The following DNM2 variants were observed in gnomAD, a reference collection of about 807,000 sequenced individuals.
DNM2 encodes the protein dynamin-2.
DNM2 carries 15 observed loss-of-function variants against 99.0 expected under a neutral mutation model. The observed-to-expected ratio is 0.15, with a 90% CI of 0.10 to 0.23. DNM2 has a LOEUF of 0.23. Among genes scored for constraint, DNM2 ranks in the 10% least tolerant of loss-of-function variants. The probability of loss-of-function intolerance (pLI) is 1.00; values close to 1 mark genes in which losing one functional copy is unlikely to be tolerated. For synonymous variants in DNM2, 525 were observed against 481.2 expected, an observed-to-expected ratio of 1.09 and a Z score of -1.19; for missense variants, 742 against 1,189.4, an observed-to-expected ratio of 0.62 and a Z score of 5.53.
intron 17 of DNM2, chr19:10,824,723 G>C: frequency 2.6e-6 from 1 of 384,462 alleles, no homozygotes; most frequent in African/African-American, 2.1e-5. Flanking sequence ...AGGATCACTT[G>C]AGCTCTCCCT....
rs757366208 is a variant in DNM2, at chr19:10,825,153, G to A, written c.1990G>A (p.Val664Met). The A allele has an allele frequency of 1.4e-5, 22 of 1,614,088 alleles. No individual in the cohort carries two copies. Among genetic ancestry groups the A allele is most frequent in the East Asian group, 4.5e-5 (2 of 44,896 alleles). ...CATTCGCAACCTGGTGGACTCATAC[G>A]TGGCCATCATCAACAAGTCCATCCG... is the stretch of plus-strand genomic sequence containing the variant. ...ETIRNLVDSY[V>M]AIINKSIRDL... The change falls in exon 18 of 21, where the codon GTG (valine) becomes ATG (methionine). Residue 664 changes from valine to methionine, a missense_variant. Physicochemically the swap from Val to Met is conservative, Grantham distance 21. Coordinates refer to ENST00000389253, the MANE Select transcript of DNM2 (RefSeq NM_001005361.3).
intron 16 of DNM2, among the ~76,000 whole-genome samples, chr19:10,822,181 CTTTTT>C (rs1251860856): frequency 1.3e-5 from 2 of 150,540 alleles, no homozygotes; most frequent in African/African-American, 4.9e-5. Context: ...TTTTCTTTTT[CTTTTT>C]CTTTTTTTTT....
chr19:10,830,564 A>G lies in DNM2; in HGVS notation c.2543+186A>G. The G allele has an allele frequency of 1.4e-6, 1 of 737,632 alleles. No homozygotes were observed. Among genetic ancestry groups the G allele is most frequent in the Middle Eastern group, 3.9e-4 (1 of 2,538 alleles). 45.7% of individuals were successfully genotyped at this position (737,632 alleles called of 1,614,324 possible). On this transcript the variant is annotated intron_variant, in intron 20 of 20. Transcript: ENST00000389253. The surrounding 1 kb of genome is among the most constrained non-coding windows in gnomAD (Gnocchi z 4.8). The stretch of plus-strand genomic sequence containing the variant: ...CCAAGAGGCTTGTTCAGTGTCACAG[A>G]GTAGCGGAGCCCTGGTGACTCCGGG...
In DNM2 at chr19:10,798,506, G is replaced by A. The variant is rs2072021007; in HGVS notation, c.1356G>A (p.Leu452=). 1 of 1,614,158 alleles carries A rather than the reference G, an allele frequency of 6.2e-7. No homozygotes were observed. Among genetic ancestry groups the A allele is most frequent in the Admixed American group, 1.7e-5 (1 of 60,020 alleles). The part of the protein sequence containing the change: ...CAEKLSSYPR[L]REETERIVTT... ...CCCAGCTCAGTTCCTACCCCCGGTTGCGAGAGGAGACAGAGCGAATCGTCA... is the reference window on the plus strand; with the variant it reads ...CCCAGCTCAGTTCCTACCCCCGGTTACGAGAGGAGACAGAGCGAATCGTCA... Residue 452 remains leucine, a synonymous_variant, in exon 11 of 21, where the codon TTG becomes TTA. Transcript: ENST00000389253.
chr19:10,718,094 CG>C lies in DNM2; in HGVS notation c.-147del. The C allele has an allele frequency of 1.1e-6, 1 of 939,608 alleles. No individual in the cohort carries two copies. The highest frequency in any genetic ancestry group is 1.4e-6 in the Non-Finnish European group (1 of 719,598). 58.2% of individuals were successfully genotyped at this position (939,608 alleles called of 1,614,324 possible). A position where few individuals can be genotyped will look rare whatever the true frequency, so the allele number is the denominator to read the frequency against. ...GGTGTCGCCTGAGAACCGGATGAGGCGGCGACCGTGAGGCCGAGCCGGGAGC... is the reference window on the plus strand; with the variant it reads ...GGTGTCGCCTGAGAACCGGATGAGGCGCGACCGTGAGGCCGAGCCGGGAGC... On this transcript the variant is annotated 5_prime_UTR_variant, in exon 1 of 21. An upstream open reading frame in the 5' UTR loses its in-frame stop. Transcript: ENST00000389253.
chr19:10,824,775 C>G (rs1466039087), intron 17 of DNM2: 1 of 471,508 alleles, frequency 2.1e-6, no homozygotes, highest in Non-Finnish European at 3.9e-6. Flanking sequence ...TGCCACTGCA[C>G]TGCAGCCTGG....
intron 2 of DNM2, among the ~76,000 whole-genome samples, chr19:10,760,067 T>TGC (rs2070566501): frequency 6.6e-6 from 1 of 152,074 alleles, no homozygotes; most frequent in South Asian, 2.1e-4. Context: ...AGAGTCTCAC[T>TGC]CTGTCACCCA....
At chr19:10,805,783 C>T (rs2072312137) in intron 12 of DNM2, 133 bp from the exon 13 acceptor site, 3 of 1,055,894 alleles carry the variant, frequency 2.8e-6, no homozygotes, top group Non-Finnish European at 4.4e-6. Flanking sequence ...TCTGTGTGTG[C>T]AGGGGGCTTC....
chr19:10,775,610 C>A lies in DNM2; in HGVS notation c.386-93C>A. The A allele has an allele frequency of 1.4e-6, 2 of 1,425,500 alleles. No homozygotes were observed. Among genetic ancestry groups the A allele is most frequent in the Non-Finnish European group, 2.0e-6 (2 of 1,011,140 alleles). 88.3% of individuals were successfully genotyped at this position (1,425,500 alleles called of 1,614,324 possible). A position where few individuals can be genotyped will look rare whatever the true frequency, so the allele number is the denominator to read the frequency against. ...GACATCCTCAAGTCTGAGCCCCGCG[C>A]AGGAACTTTGGTAGTCAGCTGGGTG... On this transcript the variant is annotated intron_variant, in intron 3 of 20. Transcript: ENST00000389253. The surrounding 1 kb of genome is among the most constrained non-coding windows in gnomAD (Gnocchi z 4.3).
At chr19:10,757,180 T>C (rs1599488455) in intron 1 of DNM2, among the ~76,000 whole-genome samples, 1 of 152,234 alleles carries the variant, frequency 6.6e-6, no homozygotes, top group East Asian at 1.9e-4. Context: ...CTGGGGGGTC[T>C]TCGTAGCCCT....
chr19:10,722,918 C>T (rs1030118308), intron 1 of DNM2, among the ~76,000 whole-genome samples: 4 of 152,014 alleles, frequency 2.6e-5, no homozygotes, highest in Middle Eastern at 3.4e-3. Context: ...TGAGCCACTG[C>T]GCCCAGCCTC....
intron 1 of DNM2, among the ~76,000 whole-genome samples, chr19:10,751,402 T>A (rs751427204): frequency 6.6e-5 from 10 of 152,002 alleles, no homozygotes; most frequent in African/African-American, 1.7e-4. Flanking sequence ...GCGGATGGGA[T>A]CAACGAGGAG....
intron 12 of DNM2, 97 bp downstream of exon 12, chr19:10,802,455 TCAGA>T: frequency 1.5e-6 from 2 of 1,374,770 alleles, no homozygotes; most frequent in South Asian, 2.3e-5. Context: ...AGGGCAGGTG[TCAGA>T]CAGTCTCTGT....
intron 1 of DNM2, among the ~76,000 whole-genome samples, chr19:10,724,676 C>A (rs1478486301): frequency 6.6e-6 from 1 of 152,118 alleles, no homozygotes; most frequent in Non-Finnish European, 1.5e-5. Context: ...CCTCTAGGAA[C>A]ATTGTGGGCA....
intron 18 of DNM2, among the ~76,000 whole-genome samples, chr19:10,825,891 C>T (rs1307522222): frequency 6.7e-6 from 1 of 150,280 alleles, no homozygotes; most frequent in African/African-American, 2.5e-5. Context: ...GGAGGCCAGG[C>T]ACCCTAGGCC....
intron 11 of DNM2, among the ~76,000 whole-genome samples, chr19:10,801,916 A>C (rs558168701): frequency 2.6e-4 from 40 of 151,890 alleles, no homozygotes; most frequent in African/African-American, 5.3e-4. Context: ...AAGAAAAAAA[A>C]AAAAAAAACA....
intron 5 of DNM2, among the ~76,000 whole-genome samples, chr19:10,778,793 C>T (rs8106691): frequency 2.0e-5 from 3 of 151,906 alleles, no homozygotes; most frequent in Non-Finnish European, 4.4e-5. Flanking sequence ...AGACCACATC[C>T]CACATTTGGG....
At chr19:10,808,659 T>G in intron 14 of DNM2, 79 bp downstream of exon 14, 1 of 1,477,624 alleles carries the variant, frequency 6.8e-7, no homozygotes, top group South Asian at 1.2e-5. Context: ...TAATATTCCC[T>G]GTTCCCCATC....
chr19:10,750,751 C>CA (rs1217389127), intron 1 of DNM2, among the ~76,000 whole-genome samples: 1 of 151,882 alleles, frequency 6.6e-6, no homozygotes, highest in Non-Finnish European at 1.5e-5. Context: ...GCCAAAATGG[C>CA]AAAACCCCAT....
Sources: allele counts gnomAD v4.1 joint callset (sites outside exome capture counted in the v4.1 genomes callset), GRCh38; gene constraint gnomAD v4.1.1; non-coding constraint Gnocchi (gnomAD v3.1); transcripts MANE v1.5; gene names NCBI Gene and HGNC (gene_info 2026-07-23, HGNC 2026-07-21).